Variants in GABBR2 observed in about 807,000 individuals in gnomAD.
GABBR2 encodes gamma-aminobutyric acid type B receptor subunit 2, also known as G-protein coupled receptor 51.
Under a neutral mutation model 105.6 loss-of-function variants are expected in GABBR2, and 23 were observed. That is an observed-to-expected ratio of 0.22 (90% CI 0.16 to 0.31). The LOEUF is 0.31. Among genes scored for constraint, GABBR2 ranks in the 10% least tolerant of loss-of-function variants. The pLI, the probability that GABBR2 is intolerant of heterozygous loss-of-function variation, is 1.00. For synonymous variants in GABBR2, 478 were observed against 499.7 expected (o/e 0.96, Z 0.58); for missense variants, 734 against 1,245.5 (o/e 0.59, Z 6.18).
chr9:98,640,010 G>A (rs1028177892), intron 1 of GABBR2, among the ~76,000 whole-genome samples: 2 of 151,778 alleles, frequency 1.3e-5, no homozygotes, highest in African/African-American at 4.8e-5. Context: ...CCTGGCAATT[G>A]CCTTATTTGC....
chr9:98,487,471 G>A (rs1027947277), intron 4 of GABBR2, among the ~76,000 whole-genome samples: 2 of 152,206 alleles, frequency 1.3e-5, no homozygotes, highest in Non-Finnish European at 2.9e-5. Context: ...TCTTATGCCA[G>A]GCAGAATAAT....
intron 1 of GABBR2, among the ~76,000 whole-genome samples, chr9:98,624,145 C>T (rs1829703165): frequency 6.6e-6 from 1 of 152,200 alleles, no homozygotes; most frequent in Non-Finnish European, 1.5e-5. Context: ...AGGTCAATGG[C>T]AGTGGTCCTG....
In GABBR2 at chr9:98,473,251, G is replaced by A. The variant is rs532040816; in HGVS notation, c.894C>T (p.Asn298=). ...GATTCTTCCGGAGGCAGCGGGATGA[G>A]TTGGCTTCCGTGTGCACCTGCTCCC... The part of the protein sequence containing the change: ...SWWEQVHTEA[N]SSRCLRKNLL... Residue 298 remains asparagine, a synonymous_variant, in exon 6 of 19, where the codon AAC becomes AAT. Coordinates refer to ENST00000259455, the MANE Select transcript of GABBR2 (RefSeq NM_005458.8). The A allele has an allele frequency of 1.4e-4, 223 of 1,613,670 alleles. 1 individual carries two copies. In the South Asian group the frequency reaches 2.4e-3, roughly 17 times the overall value.
At chr9:98,436,388 T>C (rs1474158775) in intron 7 of GABBR2, among the ~76,000 whole-genome samples, 3 of 42,250 alleles carry the variant, frequency 7.1e-5, no homozygotes, top group African/African-American at 2.5e-4. Flanking sequence ...TATATATATA[T>C]ATATATATAT....
intron 1 of GABBR2, among the ~76,000 whole-genome samples, chr9:98,662,642 T>C (rs577842168): frequency 8.6e-4 from 131 of 152,264 alleles, no homozygotes; most frequent in African/African-American, 3.1e-3. Context: ...GAACAGGGCC[T>C]GAGACTTGGA....
intron 1 of GABBR2, among the ~76,000 whole-genome samples, chr9:98,594,987 C>A (rs1186060570): frequency 1.3e-5 from 2 of 152,190 alleles, no homozygotes. Context: ...TCTCAGGGAG[C>A]TCACGTGCCA....
intron 7 of GABBR2, among the ~76,000 whole-genome samples, chr9:98,448,861 C>T (rs185027249): frequency 7.9e-5 from 12 of 151,476 alleles, no homozygotes; most frequent in African/African-American, 2.9e-4. Context: ...AAGGATTTGT[C>T]GACCTTGAGA....
At chr9:98,696,636 T>C (rs549087168) in intron 1 of GABBR2, among the ~76,000 whole-genome samples, 1 of 152,356 alleles carries the variant, frequency 6.6e-6, no homozygotes, top group East Asian at 1.9e-4. Context: ...ACCCAGAGCC[T>C]GGCACCAAGT....
At chr9:98,605,595 G>A (rs532373387) in intron 1 of GABBR2, among the ~76,000 whole-genome samples, 1 of 152,258 alleles carries the variant, frequency 6.6e-6, no homozygotes, top group East Asian at 1.9e-4. Context: ...GCTGCCATTT[G>A]GGGCTATGGC....
At chr9:98,648,080 GGT>G (rs1554723457) in intron 1 of GABBR2, among the ~76,000 whole-genome samples, 19 of 67,978 alleles carry the variant, frequency 2.8e-4, no homozygotes, top group African/African-American at 9.0e-4. Context: ...AATCATACAG[GGT>G]GTGTGTGTGT....
intron 2 of GABBR2, among the ~76,000 whole-genome samples, chr9:98,551,573 G>C (rs555769340): frequency 1.6e-4 from 24 of 152,292 alleles, no homozygotes; most frequent in Non-Finnish European, 1.6e-4. Context: ...AACACAGCAA[G>C]TTTTGGAGGA....
At chr9:98,372,491 A>C (rs1471295426) in intron 11 of GABBR2, among the ~76,000 whole-genome samples, 1 of 152,204 alleles carries the variant, frequency 6.6e-6, no homozygotes, top group African/African-American at 2.4e-5. Context: ...TGTTGAGCTT[A>C]GTTTCCTTTG....
At position 98,289,735 on chromosome 9, in the gene GABBR2, A is replaced by ATGAT. The variant is rs1564003016; in HGVS notation, c.*845_*848dup. On this transcript the variant is annotated 3_prime_UTR_variant, in exon 19 of 19. Transcript: ENST00000259455. ...CGTGTTTGCTGGGAACAGACATTCC[A>ATGAT]TGATTAGCTCGGGTGGTCCCCCTGG... 5 of 152,636 alleles carry ATGAT rather than the reference A, an allele frequency of 3.3e-5. No homozygotes were observed. In the East Asian group the frequency reaches 9.7e-4, roughly 29 times the overall value. The allele number at this position is 152,636 out of a possible 1,614,324, so 9.5% of individuals were successfully genotyped here.
chr9:98,299,392 C>T (rs1830433638), intron 16 of GABBR2, 39 bp from the exon 17 acceptor site: 2 of 1,612,694 alleles, frequency 1.2e-6, no homozygotes, highest in East Asian at 2.2e-5. Context: ...GGTCCCTGGC[C>T]CAGCCCTGGC....
At chr9:98,570,861 C>A (rs1186481501) in intron 2 of GABBR2, among the ~76,000 whole-genome samples, 1 of 152,194 alleles carries the variant, frequency 6.6e-6, no homozygotes, top group African/African-American at 2.4e-5. Flanking sequence ...GCTGGAGAGT[C>A]CTTGGGTGAC....
In GABBR2 at chr9:98,427,536, C is replaced by T. The variant is rs1188659511; in HGVS notation, c.1237-21395G>A. ...TTGATAACCACACTCTAAGGTGGCC[C>T]CAAATGACTCTTGCCTCCTGGCGGT... On this transcript the variant is annotated intron_variant, in intron 7 of 18. Coordinates refer to ENST00000259455, the MANE Select transcript of GABBR2 (RefSeq NM_005458.8). 3.9e-5 allele frequency among the ~76,000 whole-genome samples: 6 copies of T among 152,214 alleles called. 1 individual carries two copies. Among genetic ancestry groups the T allele is most frequent in the Admixed American group, 3.9e-4 (6 of 15,284 alleles).
intron 1 of GABBR2, among the ~76,000 whole-genome samples, chr9:98,643,367 C>G (rs553543343): frequency 2.0e-5 from 3 of 152,336 alleles, no homozygotes; most frequent in South Asian, 2.1e-4. Flanking sequence ...TTCTGCTCTG[C>G]CATGCTCAAT....
At chr9:98,431,842 C>A (rs1475111693) in intron 7 of GABBR2, among the ~76,000 whole-genome samples, 1 of 151,648 alleles carries the variant, frequency 6.6e-6, no homozygotes, top group Non-Finnish European at 1.5e-5. Context: ...ATTACAGGCA[C>A]CTGCCACCAT....
rs1308407768 is a variant in GABBR2 at position 98,306,857 on chromosome 9, A to ATTTT, written c.2005-516_2005-513dup. On this transcript the variant is annotated intron_variant, in intron 14 of 18. Transcript: ENST00000259455. The surrounding 1 kb of genome is among the most constrained non-coding windows in gnomAD (Gnocchi z 5.4). ...CACAGACACCCAGAATAGCGACTAC[A>ATTTT]TTTTTCAGCTGCCCTAGAGGCTAGG... is the stretch of plus-strand genomic sequence containing the variant. Among the ~76,000 whole-genome samples the ATTTT allele has an allele frequency of 1.3e-5, 2 of 152,108 alleles. No homozygotes were observed.
Sources: allele counts gnomAD v4.1 joint callset (sites outside exome capture counted in the v4.1 genomes callset), GRCh38; gene constraint gnomAD v4.1.1; non-coding constraint Gnocchi (gnomAD v3.1); transcripts MANE v1.5; gene names NCBI Gene and HGNC (gene_info 2026-07-23, HGNC 2026-07-21).